The following HDX variants were observed in gnomAD, a reference collection of about 807,000 sequenced individuals.
The protein encoded by HDX is highly divergent homeobox, also known as chromosome X open reading frame 43.
HDX carries 19 observed loss-of-function variants against 45.2 expected under a neutral mutation model. The ratio of observed to expected loss-of-function variants is 0.42; its 90% CI spans 0.29 to 0.62. The LOEUF (loss-of-function observed/expected upper bound fraction) is 0.62, where lower values mean the gene tolerates loss of function less well. Among genes scored for constraint, HDX ranks in the 20% least tolerant of loss-of-function variants. The probability of loss-of-function intolerance (pLI) is 0.20; values close to 1 mark genes in which losing one functional copy is unlikely to be tolerated. For synonymous variants in HDX, 188 were observed against 172.8 expected (o/e 1.09, Z -0.69); for missense variants, 532 against 493.9 (o/e 1.08, Z -0.73).
chrX:84,432,057 A>C (rs1269613446), intron 5 of HDX, among the ~76,000 whole-genome samples: 1 of 111,434 alleles, frequency 9.0e-6, no homozygotes, highest in East Asian at 2.8e-4. Context: ...ACATGTGACT[A>C]GTCAGTTATT....
chrX:84,460,102 CA>C (rs1260418285), intron 4 of HDX, among the ~76,000 whole-genome samples: 1 of 111,389 alleles, frequency 9.0e-6, no homozygotes, highest in Non-Finnish European at 1.9e-5. Flanking sequence ...TAAATTTTAC[CA>C]AGCATTTAAG....
chrX:84,332,593 C>T (rs944738454), intron 9 of HDX, among the ~76,000 whole-genome samples: 1 of 111,046 alleles, frequency 9.0e-6, no homozygotes, highest in East Asian at 2.9e-4. Flanking sequence ...GCACTCTTAA[C>T]AGCTGTGCAA....
Position 84,321,319 on chromosome X carries a change from A to G in HDX, c.*570T>C, listed in dbSNP as rs1328408005. 1 of 111,078 alleles carries G rather than the reference A, an allele frequency of 9.0e-6. No homozygotes were observed. The highest frequency in any genetic ancestry group is 2.8e-4 in the East Asian group (1 of 3,548). The allele number at this position is 111,078 out of a possible 1,213,427, so 9.2% of individuals were successfully genotyped here. A position where few individuals can be genotyped will look rare whatever the true frequency, so the allele number is the denominator to read the frequency against. The stretch of plus-strand genomic sequence containing the variant: ...TAATAGAAGAACACCAGCAATTTAC[A>G]ATTACATACCTGTAATCATTTAATT... On this transcript the variant is annotated 3_prime_UTR_variant, in exon 11 of 11. Coordinates refer to ENST00000373177, the MANE Select transcript of HDX (RefSeq NM_001177479.2).
chrX:84,464,664 C>T (rs1405473390), intron 4 of HDX, among the ~76,000 whole-genome samples: 2 of 111,643 alleles, frequency 1.8e-5, no homozygotes, highest in Non-Finnish European at 3.8e-5. Flanking sequence ...ACACCTTATA[C>T]AAAAATTAAC....
intron 7 of HDX, among the ~76,000 whole-genome samples, chrX:84,339,067 C>T (rs1248902507): frequency 1.8e-5 from 2 of 111,465 alleles, no homozygotes; most frequent in African/African-American, 6.5e-5. Context: ...TCAGGTATTT[C>T]CTTATAGCAG....
intron 5 of HDX, among the ~76,000 whole-genome samples, chrX:84,377,408 C>G (rs2038082583): frequency 9.0e-6 from 1 of 111,514 alleles, no homozygotes; most frequent in Admixed American, 9.6e-5. Context: ...GAAAATAAGA[C>G]ACAAGGGACT....
chrX:84,431,610 A>G (rs1009326641), intron 5 of HDX, among the ~76,000 whole-genome samples: 2 of 111,329 alleles, frequency 1.8e-5, no homozygotes, highest in African/African-American at 6.5e-5. Context: ...GAGCATTTTC[A>G]TATGCATTTT....
chrX:84,375,836 T>C (rs1306901982), intron 5 of HDX, among the ~76,000 whole-genome samples: 8 of 111,131 alleles, frequency 7.2e-5, no homozygotes, highest in Non-Finnish European at 7.5e-5. Flanking sequence ...ATGGCACATG[T>C]ATACATATGT....
At chrX:84,329,008 T>A (rs1340917215) in intron 9 of HDX, among the ~76,000 whole-genome samples, 1 of 112,058 alleles carries the variant, frequency 8.9e-6, no homozygotes, top group Non-Finnish European at 1.9e-5. Flanking sequence ...AAACACAGAT[T>A]CAAAGATTTT....
At chrX:84,386,740 T>A (rs2038329364) in intron 5 of HDX, among the ~76,000 whole-genome samples, 1 of 112,026 alleles carries the variant, frequency 8.9e-6, no homozygotes, top group Non-Finnish European at 1.9e-5. Flanking sequence ...ATTTTTTCTG[T>A]GTTAATCTAG....
At chrX:84,383,977 G>A (rs1343452276) in intron 5 of HDX, among the ~76,000 whole-genome samples, 11 of 109,573 alleles carry the variant, frequency 1.0e-4, no homozygotes, top group East Asian at 8.6e-4. Context: ...TGGATTCTAC[G>A]TCTTTACGAT....
At chrX:84,499,422 T>C (rs1434710619) in intron 1 of HDX, among the ~76,000 whole-genome samples, 1 of 111,442 alleles carries the variant, frequency 9.0e-6, no homozygotes, top group Non-Finnish European at 1.9e-5. Context: ...CTATCCAGAG[T>C]TGCTTAAGTT....
At chrX:84,429,311 T>C (rs2039452263) in intron 5 of HDX, among the ~76,000 whole-genome samples, 1 of 110,650 alleles carries the variant, frequency 9.0e-6, no homozygotes, top group South Asian at 3.7e-4. Context: ...TTTTGTCCCA[T>C]GGAAAAAAGG....
At chrX:84,459,214 G>C (rs1052975554) in intron 4 of HDX, among the ~76,000 whole-genome samples, 1 of 111,192 alleles carries the variant, frequency 9.0e-6, no homozygotes, top group African/African-American at 3.3e-5. Flanking sequence ...AGGCCAAAGA[G>C]GGCGGATCAC....
intron 7 of HDX, among the ~76,000 whole-genome samples, chrX:84,343,319 A>T (rs886286059): frequency 1.8e-5 from 2 of 111,031 alleles, no homozygotes; most frequent in African/African-American, 6.5e-5. Context: ...TGACACAATT[A>T]CTTGAGCTCA....
intron 7 of HDX, 126 bp downstream of exon 7, chrX:84,344,124 A>T: frequency 2.1e-6 from 1 of 470,051 alleles, no homozygotes; most frequent in Non-Finnish European, 3.6e-6. Context: ...AAATAAATCT[A>T]TTGTTTCAAA....
chrX:84,460,890 T>C (rs1364132984), intron 4 of HDX, among the ~76,000 whole-genome samples: 1 of 111,875 alleles, frequency 8.9e-6, no homozygotes, highest in Non-Finnish European at 1.9e-5. Context: ...CATTTCTAAA[T>C]GCTAACAGCA....
chrX:84,407,483 C>T (rs2038858718), intron 5 of HDX, among the ~76,000 whole-genome samples: 1 of 110,921 alleles, frequency 9.0e-6, no homozygotes, highest in Admixed American at 9.6e-5. Context: ...AGGATGATTC[C>T]TTATCTTTGC....
At chrX:84,494,701 A>T (rs1446645819) in intron 1 of HDX, among the ~76,000 whole-genome samples, 5 of 112,076 alleles carry the variant, frequency 4.5e-5, no homozygotes, top group Admixed American at 2.8e-4. Context: ...ATTTATCCCC[A>T]TTGAGAAAAG....
Sources: allele counts gnomAD v4.1 joint callset (sites outside exome capture counted in the v4.1 genomes callset), GRCh38; gene constraint gnomAD v4.1.1; transcripts MANE v1.5; gene names NCBI Gene and HGNC (gene_info 2026-07-23, HGNC 2026-07-21).